TUBAL3: variants seen among roughly 807,000 people sequenced by gnomAD.
The protein encoded by TUBAL3 is tubulin alpha like 3.
In TUBAL3, 16 loss-of-function variants were observed where a neutral mutation model predicts 15.5. The ratio of observed to expected loss-of-function variants is 1.04; its 90% CI spans 0.70 to 1.57. The LOEUF (loss-of-function observed/expected upper bound fraction) is 1.57, where lower values mean the gene tolerates loss of function less well. Among genes scored for constraint, TUBAL3 ranks in the 40% most tolerant of loss-of-function variants. The probability of loss-of-function intolerance (pLI) is 0.00; values close to 1 mark genes in which losing one functional copy is unlikely to be tolerated. For synonymous variants in TUBAL3, 238 were observed against 224.3 expected (o/e 1.06, Z -0.55); for missense variants, 609 against 576.2 (o/e 1.06, Z -0.58).
chr10:5,396,965 C>G lies in TUBAL3; in HGVS notation c.248-1490G>C, dbSNP rs140736232. ...AGTTACTTAGTCAATGATTTTAGCT[C>G]ATAAATAAGGATTATAACAAGATCT... is the stretch of plus-strand genomic sequence containing the variant. On this transcript the variant is annotated intron_variant, in intron 2 of 3. Transcript: ENST00000380419. This position sits in a 1 kb window ranked among gnomAD's most constrained non-coding sequence, Gnocchi z 5.1. 6.6e-6 allele frequency among the ~76,000 whole-genome samples: 1 copy of G among 152,048 alleles called. No individual in the cohort carries two copies. The highest frequency in any genetic ancestry group is 2.4e-5 in the African/African-American group (1 of 41,432).
At position 5,394,693 on chromosome 10, in the gene TUBAL3, C is replaced by T. The variant is rs979130269; in HGVS notation, c.397-232G>A. 1.1e-4 allele frequency among the ~76,000 whole-genome samples: 17 copies of T among 152,304 alleles called. No homozygotes were observed. Among genetic ancestry groups the T allele is most frequent in the African/African-American group, 4.1e-4 (17 of 41,572 alleles). ...ACTATAAGCAGAGCATAAATATCCA[C>T]CTGTCTTTCACTGACCTCTGTGCAT... On this transcript the variant is annotated intron_variant, in intron 3 of 3. Transcript: ENST00000380419. The surrounding 1 kb of genome is among the most constrained non-coding windows in gnomAD (Gnocchi z 4.3).
At chr10:5,403,807 C>A (rs527419481) in intron 1 of TUBAL3, among the ~76,000 whole-genome samples, 1 of 152,142 alleles carries the variant, frequency 6.6e-6, no homozygotes, top group Non-Finnish European at 1.5e-5. Context: ...ATAAAATGTC[C>A]ACTGAACGTC....
chr10:5,395,536 T>G lies in TUBAL3; in HGVS notation c.248-61A>C. 7.4e-7 allele frequency: 1 copy of G among 1,358,762 alleles called. No individual in the cohort carries two copies. The allele number at this position is 1,358,762 out of a possible 1,614,324, so 84.2% of individuals were successfully genotyped here. On this transcript the variant is annotated intron_variant, in intron 2 of 3. Coordinates refer to ENST00000380419, the MANE Select transcript of TUBAL3 (RefSeq NM_024803.3). The surrounding 1 kb of genome is among the most constrained non-coding windows in gnomAD (Gnocchi z 4.6). ...CAGTGCAATTCAGCCGTCCACCTGC[T>G]GCTAGTCCTCCTGGAGCCTCCCCGT... is the stretch of plus-strand genomic sequence containing the variant.
intron 1 of TUBAL3, among the ~76,000 whole-genome samples, chr10:5,401,749 T>TA (rs1226956066): frequency 1.3e-3 from 191 of 150,116 alleles, no homozygotes; most frequent in Non-Finnish European, 2.0e-3. Flanking sequence ...ATCAACTTTC[T>TA]AAAAAAAAAC....
At position 5,395,227 on chromosome 10, in the gene TUBAL3, T is replaced by C. The variant is rs11592882; in HGVS notation, c.396+100A>G. ...CAGACCAGAGCCCAGGGAGAGACGG[T>C]TGGTGGCGATGGTGACAGCAGATAA... is the stretch of plus-strand genomic sequence containing the variant. On this transcript the variant is annotated intron_variant, in intron 3 of 3. Coordinates refer to ENST00000380419, the MANE Select transcript of TUBAL3 (RefSeq NM_024803.3). This position sits in a 1 kb window ranked among gnomAD's most constrained non-coding sequence, Gnocchi z 4.6. The C allele has an allele frequency of 5.9e-5, 75 of 1,261,750 alleles. No homozygotes were observed. Among genetic ancestry groups the C allele is most frequent in the Non-Finnish European group, 7.8e-5 (74 of 952,534 alleles). The allele number at this position is 1,261,750 out of a possible 1,614,324, so 78.2% of individuals were successfully genotyped here.
In TUBAL3 at chr10:5,393,913, C is replaced by G; in HGVS notation, c.945G>C (p.Arg315=). ...GGCAGCAGGCCATGTACTTCCCAAG[C>G]CGAGGATCACACTTGACCAGCTGGT... ...SSNQLVKCDP[R]LGKYMACCLL... Residue 315 remains arginine, a synonymous_variant, in exon 4 of 4, where the codon CGG becomes CGC. Coordinates refer to ENST00000380419, the MANE Select transcript of TUBAL3 (RefSeq NM_024803.3). The G allele has an allele frequency of 6.2e-7, 1 of 1,614,198 alleles. No homozygotes were observed. The highest frequency in any genetic ancestry group is 1.3e-5 in the African/African-American group (1 of 75,030).
Position 5,393,348 on chromosome 10 carries a change from G to T in TUBAL3, c.*169C>A. 1 of 589,694 alleles carries T rather than the reference G, an allele frequency of 1.7e-6. No individual in the cohort carries two copies. The highest frequency in any genetic ancestry group is 2.9e-6 in the Non-Finnish European group (1 of 344,104). 36.5% of individuals were successfully genotyped at this position (589,694 alleles called of 1,614,324 possible). ...TTGTACCAGTAGACCAGGAAATAAT[G>T]TGTTCATTGTTGGTACTGACCCACT... On this transcript the variant is annotated 3_prime_UTR_variant, in exon 4 of 4. Transcript: ENST00000380419.
rs182163936 is a variant in TUBAL3, at chr10:5,400,888, T to C, written c.203A>G (p.His68Arg). ...TFFCETRAGK[H>R]VPRALFVDLE... The stretch of plus-strand genomic sequence containing the variant: ...GTCCACGAAGAGTGCTCTAGGCACA[T>C]GCTTCCCAGCTCTTGTCTCACAGAA... Residue 68 changes from histidine to arginine, a missense_variant, in exon 2 of 4, where the codon CAT becomes CGT. Transcript: ENST00000380419. The C allele has an allele frequency of 4.9e-4, 791 of 1,614,236 alleles. 10 individuals are homozygous for C. The South Asian group carries it at 5.4e-3, about 11-fold the overall frequency.
At chr10:5,399,271 C>G (rs1403275524) in intron 2 of TUBAL3, among the ~76,000 whole-genome samples, 3 of 152,220 alleles carry the variant, frequency 2.0e-5, no homozygotes, top group Non-Finnish European at 4.4e-5. Flanking sequence ...TGTGTCCCCC[C>G]ACAATTCATG....
rs1290162300 is a variant in TUBAL3 at position 5,393,251 on chromosome 10, A to T, written c.*266T>A. On this transcript the variant is annotated 3_prime_UTR_variant, in exon 4 of 4. Coordinates refer to ENST00000380419, the MANE Select transcript of TUBAL3 (RefSeq NM_024803.3). Reference sequence around the variant, plus strand: ...CATTGTCTCTTGGTAAAACAAAAAAATCCCACCTAGAAGTGACTCAGCAGT... The same window carrying T: ...CATTGTCTCTTGGTAAAACAAAAAATTCCCACCTAGAAGTGACTCAGCAGT... 5 of 358,946 alleles carry T rather than the reference A, an allele frequency of 1.4e-5. 1 individual carries two copies. In the East Asian group the frequency reaches 1.7e-4, roughly 12 times the overall value. The allele number at this position is 358,946 out of a possible 1,614,324, so 22.2% of individuals were successfully genotyped here.
chr10:5,404,703 T>C (rs570179047), intron 1 of TUBAL3, 87 bp downstream of exon 1: 13 of 1,381,644 alleles, frequency 9.4e-6, no homozygotes, highest in African/African-American at 8.6e-5. Flanking sequence ...GCATTACAAT[T>C]TTATTAAGAA....
At chr10:5,399,218 A>C (rs1831810683) in intron 2 of TUBAL3, among the ~76,000 whole-genome samples, 1 of 152,258 alleles carries the variant, frequency 6.6e-6, no homozygotes. Flanking sequence ...ATACCTGTGC[A>C]GTTCCCCAAC....
chr10:5,393,871 A>T lies in TUBAL3; in HGVS notation c.987T>A (p.Asp329Glu). The T allele has an allele frequency of 6.2e-7, 1 of 1,614,206 alleles. No homozygotes were observed. Among genetic ancestry groups the T allele is most frequent in the Non-Finnish European group, 8.5e-7 (1 of 1,180,034 alleles). Residue 329 changes from aspartate to glutamate, a missense_variant, in exon 4 of 4, where the codon GAT (aspartate) becomes GAA (glutamate). Asp to Glu is a conservative substitution (Grantham distance 45). Transcript: ENST00000380419. ...CTGCATTCACTTCCTTGGGGACCACATCCCCTCTATAGAGTAGGCAGCAGG... is the reference window on the plus strand; with the variant it reads ...CTGCATTCACTTCCTTGGGGACCACTTCCCCTCTATAGAGTAGGCAGCAGG... ...YMACCLLYRG[D>E]VVPKEVNAAI...
Position 5,397,372 on chromosome 10 carries a change from C to A in TUBAL3, c.248-1897G>T, listed in dbSNP as rs1275569712. 6.6e-6 allele frequency among the ~76,000 whole-genome samples: 1 copy of A among 152,146 alleles called. No homozygotes were observed. Among genetic ancestry groups the A allele is most frequent in the Non-Finnish European group, 1.5e-5 (1 of 68,016 alleles). On this transcript the variant is annotated intron_variant, in intron 2 of 3. Transcript: ENST00000380419. This position sits in a 1 kb window ranked among gnomAD's most constrained non-coding sequence, Gnocchi z 4.9. The stretch of plus-strand genomic sequence containing the variant: ...GATGTTTAAAAGATATATTTATAAA[C>A]AAGATATAAGTGAAAGTGTAATTCT...
chr10:5,403,985 G>A (rs1003380113), intron 1 of TUBAL3, among the ~76,000 whole-genome samples: 10 of 152,100 alleles, frequency 6.6e-5, no homozygotes, highest in East Asian at 3.9e-4. Context: ...CCCATTTCCC[G>A]CAGTGGAAAC....
At chr10:5,400,006 T>A (rs1831825308) in intron 2 of TUBAL3, among the ~76,000 whole-genome samples, 1 of 152,228 alleles carries the variant, frequency 6.6e-6, no homozygotes, top group Non-Finnish European at 1.5e-5. Context: ...ACTGTCTAGC[T>A]TTTCTCTTAA....
At position 5,403,265 on chromosome 10, in the gene TUBAL3, C is replaced by T. The variant is rs74115628; in HGVS notation, c.3+1525G>A. On this transcript the variant is annotated intron_variant, in intron 1 of 3. Coordinates refer to ENST00000380419, the MANE Select transcript of TUBAL3 (RefSeq NM_024803.3). ...GCTTCAGATAACCTTAATCTTATTC[C>T]TCTCCCCTTCTGTCGGACTTAAAGT... is the stretch of plus-strand genomic sequence containing the variant. Among the ~76,000 whole-genome samples the T allele has an allele frequency of 4.2e-3, 642 of 152,280 alleles. 4 individuals are homozygous for T. The highest frequency in any genetic ancestry group is 0.014 in the African/African-American group (585 of 41,570).
intron 1 of TUBAL3, among the ~76,000 whole-genome samples, chr10:5,404,199 T>C (rs1831898752): frequency 6.6e-6 from 1 of 152,164 alleles, no homozygotes; most frequent in South Asian, 2.1e-4. Flanking sequence ...TTGCTTCCAT[T>C]GAAGAATTAA....
chr10:5,393,684 C>A lies in TUBAL3; in HGVS notation c.1174G>T (p.Val392Leu). 8 of 1,614,224 alleles carry A rather than the reference C, an allele frequency of 5.0e-6. No individual in the cohort carries two copies. Among genetic ancestry groups the A allele is most frequent in the Non-Finnish European group, 6.8e-6 (8 of 1,180,042 alleles). Residue 392 changes from valine to leucine, a missense_variant, in exon 4 of 4, where the codon GTG (valine) becomes TTG (leucine). Physicochemically the swap from Val to Leu is conservative, Grantham distance 32 (BLOSUM62 1). Transcript: ENST00000380419. ...TGGTCCAGGCGGGCCCAGGCCTCCA[C>A]AATCGCCGTGGTGTTGCTCAGCATG... ...ICMLSNTTAIVEAWARLDHKF... is the reference protein window; with the variant it reads ...ICMLSNTTAILEAWARLDHKF...
Sources: allele counts gnomAD v4.1 joint callset (sites outside exome capture counted in the v4.1 genomes callset), GRCh38; gene constraint gnomAD v4.1.1; non-coding constraint Gnocchi (gnomAD v3.1); transcripts MANE v1.5; gene names NCBI Gene and HGNC (gene_info 2026-07-23, HGNC 2026-07-21).